Variants in GRHL1 observed in about 807,000 individuals in gnomAD.
GRHL1 encodes grainyhead-like protein 1 homolog.
GRHL1 carries 38 observed loss-of-function variants against 75.7 expected under a neutral mutation model. The ratio of observed to expected loss-of-function variants is 0.50; its 90% CI spans 0.39 to 0.66. The LOEUF (loss-of-function observed/expected upper bound fraction) is 0.66. GRHL1 is among the 30% of genes least tolerant of loss of function. The pLI, the probability that GRHL1 is intolerant of heterozygous loss-of-function variation, is 0.00. For synonymous variants in GRHL1, 266 were observed against 279.4 expected (o/e 0.95, Z 0.48); for missense variants, 589 against 767.5 (o/e 0.77, Z 2.75).
At chr2:9,979,150 T>TAAAAAAAAAAAA (rs1668083471) in intron 8 of GRHL1, among the ~76,000 whole-genome samples, 2 of 23,404 alleles carry the variant, frequency 8.5e-5, no homozygotes, top group Non-Finnish European at 1.5e-4. Context: ...AGACTCTCTC[T>TAAAAAAAAAAAA]CAAAAAAAAA....
chr2:9,996,518 G>A, intron 14 of GRHL1, 117 bp downstream of exon 14: 1 of 770,400 alleles, frequency 1.3e-6, no homozygotes. Flanking sequence ...TGGAATCCCT[G>A]ACACCTTTCT....
Position 9,999,002 on chromosome 2 carries a change from G to T in GRHL1, c.1715G>T (p.Gly572Val). ...TACGATGTTCCCCATGACAAGATTG[G>T]GAAAATATTCAAGAAGTGTAAAAAG... ...DKYDVPHDKI[G>V]KIFKKCKKGI... The change falls in exon 15 of 16, where the codon GGG becomes GTG. Residue 572 changes from glycine to valine, a missense_variant. By Grantham distance (109) the Gly-to-Val change is moderately radical. Coordinates refer to ENST00000324907, the MANE Select transcript of GRHL1 (RefSeq NM_198182.3). The T allele has an allele frequency of 6.3e-7, 1 of 1,580,060 alleles. No individual in the cohort carries two copies. Among genetic ancestry groups the T allele is most frequent in the South Asian group, 1.1e-5 (1 of 87,892 alleles).
At chr2:9,954,763 G>A (rs1478747790) in intron 1 of GRHL1, 152 bp from the exon 2 acceptor site, 8 of 712,004 alleles carry the variant, frequency 1.1e-5, no homozygotes, top group Non-Finnish European at 9.9e-6. Flanking sequence ...CTGCACTTAC[G>A]TGGTTTGTCT....
At chr2:9,984,101 G>T (rs1558309038) in intron 8 of GRHL1, among the ~76,000 whole-genome samples, 1 of 151,952 alleles carries the variant, frequency 6.6e-6, no homozygotes, top group Non-Finnish European at 1.5e-5. Flanking sequence ...TTGCAGGGTT[G>T]CTGTGAGCCG....
chr2:9,970,019 A>C (rs1430349120), intron 8 of GRHL1, among the ~76,000 whole-genome samples: 1 of 151,762 alleles, frequency 6.6e-6, no homozygotes, highest in African/African-American at 2.4e-5. Flanking sequence ...ATTTTTTTGT[A>C]TTTTTAGTAG....
At position 9,984,891 on chromosome 2, in the gene GRHL1, G is replaced by A. The variant is rs1347407491; in HGVS notation, c.1111-1233G>A. 2.8e-5 allele frequency among the ~76,000 whole-genome samples: 4 copies of A among 144,410 alleles called. No individual in the cohort carries two copies. In the East Asian group the frequency reaches 8.2e-4, roughly 29 times the overall value. 94.7% of individuals were successfully genotyped at this position (144,410 alleles called of 152,430 possible). On this transcript the variant is annotated intron_variant, in intron 8 of 15. Transcript: ENST00000324907. ...AGCCTGGGCAACATAGTGGAACCCT[G>A]TCTCTAAAAAAAAAAAAAATACAAA...
Position 10,000,783 on chromosome 2 carries a change from C to T in GRHL1, c.*76C>T, listed in dbSNP as rs1180110648. 4 of 777,490 alleles carry T rather than the reference C, an allele frequency of 5.1e-6. No individual in the cohort carries two copies. The highest frequency in any genetic ancestry group is 2.0e-5 in the Admixed American group (1 of 51,148). The allele number at this position is 777,490 out of a possible 1,614,324, so 48.2% of individuals were successfully genotyped here. On this transcript the variant is annotated 3_prime_UTR_variant, in exon 16 of 16. Transcript: ENST00000324907. ...CTTACGGTTTGGCAACTGCAGGTAACCCCAGTCAGCCATGTCGCCAGCACA... is the reference window on the plus strand; with the variant it reads ...CTTACGGTTTGGCAACTGCAGGTAATCCCAGTCAGCCATGTCGCCAGCACA...
chr2:9,981,539 A>G (rs1668197136), intron 8 of GRHL1, among the ~76,000 whole-genome samples: 1 of 152,248 alleles, frequency 6.6e-6, no homozygotes, highest in Non-Finnish European at 1.5e-5. Flanking sequence ...ATCAAGTTTT[A>G]TCGAAACACG....
At chr2:9,984,365 TG>T (rs1367002219) in intron 8 of GRHL1, among the ~76,000 whole-genome samples, 1 of 152,180 alleles carries the variant, frequency 6.6e-6, no homozygotes, top group Non-Finnish European at 1.5e-5. Flanking sequence ...TTTTAAAAAC[TG>T]TAATTCCAAT....
intron 2 of GRHL1, 143 bp downstream of exon 2, chr2:9,955,244 A>C: frequency 1.6e-6 from 1 of 611,428 alleles, no homozygotes; most frequent in Admixed American, 3.2e-5. Context: ...ACTTTGACTT[A>C]CTGTGATTCG....
Position 9,996,243 on chromosome 2 carries a change from C to G in GRHL1, c.1592-73C>G, listed in dbSNP as rs1027273591. The G allele has an allele frequency of 6.3e-6, 7 of 1,107,106 alleles. No homozygotes were observed. The African/African-American group carries it at 1.1e-4, about 17-fold the overall frequency. 68.6% of individuals were successfully genotyped at this position (1,107,106 alleles called of 1,614,324 possible). A position where few individuals can be genotyped will look rare whatever the true frequency, so the allele number is the denominator to read the frequency against. On this transcript the variant is annotated intron_variant, in intron 13 of 15. Coordinates refer to ENST00000324907, the MANE Select transcript of GRHL1 (RefSeq NM_198182.3). ...AGCTGGTACCGTGGTCTGTTTTCCT[C>G]TTTTGCTCATGTGAACTGTATCCTT...
intron 8 of GRHL1, among the ~76,000 whole-genome samples, chr2:9,970,326 G>T (rs1667670760): frequency 6.6e-6 from 1 of 152,024 alleles, no homozygotes; most frequent in Non-Finnish European, 1.5e-5. Flanking sequence ...GCTCCTGCTG[G>T]AGTAAGTGGC....
At chr2:9,981,194 AC>A (rs1341546273) in intron 8 of GRHL1, among the ~76,000 whole-genome samples, 1 of 152,126 alleles carries the variant, frequency 6.6e-6, no homozygotes, top group Non-Finnish European at 1.5e-5. Flanking sequence ...AAAGAAGGCC[AC>A]CCTCCTGACC....
chr2:9,996,292 T>C (rs776881792), intron 13 of GRHL1, 24 bp from the exon 14 acceptor site: 9 of 1,548,066 alleles, frequency 5.8e-6, no homozygotes, highest in Non-Finnish European at 2.7e-6. Context: ...TTCCCTTCCT[T>C]ATTCCTGGTT....
At position 9,955,069 on chromosome 2, in the gene GRHL1, G is replaced by T. The variant is rs777578383; in HGVS notation, c.175G>T (p.Ala59Ser). The T allele has an allele frequency of 7.4e-6, 12 of 1,613,352 alleles. No individual in the cohort carries two copies. The South Asian group carries it at 1.3e-4, about 18-fold the overall frequency. The change falls in exon 2 of 16, where the codon GCT becomes TCT. Residue 59 changes from alanine to serine, a missense_variant. Ala to Ser is a moderately conservative substitution (Grantham distance 99, BLOSUM62 1). Coordinates refer to ENST00000324907, the MANE Select transcript of GRHL1 (RefSeq NM_198182.3). ...CATCAATGGAGATGAAGACAGCGCCGCTGCGCTGGGCCTGCTCTATGACTA... is the reference window on the plus strand; with the variant it reads ...CATCAATGGAGATGAAGACAGCGCCTCTGCGCTGGGCCTGCTCTATGACTA... ...MSINGDEDSA[A>S]ALGLLYDYYK...
At chr2:9,982,304 T>A (rs1215885774) in intron 8 of GRHL1, among the ~76,000 whole-genome samples, 4 of 152,196 alleles carry the variant, frequency 2.6e-5, no homozygotes. Context: ...CTTTTGTGGA[T>A]CACAGTGTAT....
At position 9,952,000 on chromosome 2, in the gene GRHL1, C is replaced by A; in HGVS notation, c.20+147C>A. 3.8e-6 allele frequency: 1 copy of A among 260,522 alleles called. No individual in the cohort carries two copies. The highest frequency in any genetic ancestry group is 6.1e-6 in the Non-Finnish European group (1 of 164,184). 16.1% of individuals were successfully genotyped at this position (260,522 alleles called of 1,614,324 possible). On this transcript the variant is annotated intron_variant, in intron 1 of 15. Coordinates refer to ENST00000324907, the MANE Select transcript of GRHL1 (RefSeq NM_198182.3). This position sits in a 1 kb window ranked among gnomAD's most constrained non-coding sequence, Gnocchi z 4.2. ...GGGGCCGCTGTCCACTCCACGCCGC[C>A]ACGGCCTTTGCCCCTTAGCCCTGCC...
chr2:9,969,535 A>G lies in GRHL1; in HGVS notation c.1110+4154A>G, dbSNP rs17364282. On this transcript the variant is annotated intron_variant, in intron 8 of 15. Coordinates refer to ENST00000324907, the MANE Select transcript of GRHL1 (RefSeq NM_198182.3). ...TAATATAAATAAGAACACCTTTGCT[A>G]GTAAGAAATAATTTATGTTGGATTA... Among the ~76,000 whole-genome samples the G allele has an allele frequency of 9.5e-3, 1,452 of 152,374 alleles. 7 individuals are homozygous for G. The highest frequency in any genetic ancestry group is 0.027 in the Middle Eastern group (8 of 294).
At chr2:9,957,412 T>A (rs890266367) in intron 2 of GRHL1, among the ~76,000 whole-genome samples, 1 of 139,734 alleles carries the variant, frequency 7.2e-6, no homozygotes, top group Non-Finnish European at 1.5e-5. Context: ...CATGAAGCAG[T>A]ATTTTTTTTT....
Sources: allele counts gnomAD v4.1 joint callset (sites outside exome capture counted in the v4.1 genomes callset), GRCh38; gene constraint gnomAD v4.1.1; non-coding constraint Gnocchi (gnomAD v3.1); transcripts MANE v1.5; gene names NCBI Gene and HGNC (gene_info 2026-07-23, HGNC 2026-07-21).